SYTL2: variants seen among roughly 807,000 people sequenced by gnomAD.
SYTL2 encodes synaptotagmin-like protein 2.
SYTL2 carries 165 observed loss-of-function variants against 198.7 expected under a neutral mutation model. The observed-to-expected ratio is 0.83, with a 90% CI of 0.73 to 0.94. The LOEUF (loss-of-function observed/expected upper bound fraction) is 0.94, where lower values mean the gene tolerates loss of function less well. Ranked by LOEUF, SYTL2 falls within the 40% of genes least tolerant of loss-of-function variation. The pLI, the probability that SYTL2 is intolerant of heterozygous loss-of-function variation, is 0.00. For missense variants in SYTL2, 2,835 were observed against 2,582.8 expected, an observed-to-expected ratio of 1.10 and a Z score of -2.12; for synonymous variants, 966 against 917.7, an observed-to-expected ratio of 1.05 and a Z score of -0.95.
chr11:85,841,073 C>A, the SYTL2 span, among the ~76,000 whole-genome samples: 1 of 152,010 alleles, frequency 6.6e-6, no homozygotes, highest in African/African-American at 2.4e-5. Flanking sequence ...GGCCAATAAA[C>A]ATGAAAAAAA....
the SYTL2 span, among the ~76,000 whole-genome samples, chr11:85,822,476 T>C: frequency 2.6e-5 from 4 of 152,324 alleles, no homozygotes; most frequent in African/African-American, 9.6e-5. Context: ...CTCCTAGTTG[T>C]GGTCCTATTC....
chr11:85,852,283 A>G, the SYTL2 span, among the ~76,000 whole-genome samples: 2 of 152,234 alleles, frequency 1.3e-5, no homozygotes, highest in East Asian at 3.8e-4. Flanking sequence ...GGACAAAAGG[A>G]TAAGTAATTG....
At chr11:85,818,664 T>TCTATCTAC in the SYTL2 span, among the ~76,000 whole-genome samples, 5 of 146,936 alleles carry the variant, frequency 3.4e-5, no homozygotes, top group Non-Finnish European at 5.9e-5. Context: ...TTACTATCTA[T>TCTATCTAC]CTATCTATCT....
At chr11:85,816,915 CAAAA>C in the SYTL2 span, among the ~76,000 whole-genome samples, 4 of 80,916 alleles carry the variant, frequency 4.9e-5, no homozygotes, top group African/African-American at 5.0e-5. Context: ...AACCCTGTCT[CAAAA>C]AAAAAAAAAA....
At chr11:85,816,946 T>C in the SYTL2 span, among the ~76,000 whole-genome samples, 6 of 150,936 alleles carry the variant, frequency 4.0e-5, no homozygotes, top group Non-Finnish European at 7.4e-5. Flanking sequence ...GACCATCTTA[T>C]AAGAGAGTCT....
At chr11:85,825,724 G>C in the SYTL2 span, among the ~76,000 whole-genome samples, 1 of 152,230 alleles carries the variant, frequency 6.6e-6, no homozygotes, top group East Asian at 1.9e-4. Flanking sequence ...AGATATCCTA[G>C]AAAGCATGAA....
At position 85,727,124 on chromosome 11, in the gene SYTL2, G is replaced by A; in HGVS notation, c.2234C>T (p.Ala745Val). 21 of 1,535,950 alleles carry A rather than the reference G, an allele frequency of 1.4e-5. No individual in the cohort carries two copies. Among genetic ancestry groups the A allele is most frequent in the Non-Finnish European group, 1.8e-5 (21 of 1,146,808 alleles). ...SKVGNTYILK[A>V]SLEPENIKST... The stretch of plus-strand genomic sequence containing the variant: ...CTTAATATTCTCTGGCTCTAAGGAG[G>A]CTTTCAGGATATAGGTATTTCCTAC... Residue 745 changes from alanine (A) to valine (V), a missense_variant, in exon 8 of 20, where the codon GCC (alanine) becomes GTC (valine). Transcript: ENST00000359152.
intron 4 of SYTL2, among the ~76,000 whole-genome samples, chr11:85,744,558 C>A (rs1309104064): frequency 6.6e-6 from 1 of 152,134 alleles, no homozygotes; most frequent in Non-Finnish European, 1.5e-5. Flanking sequence ...AGTCAGTATT[C>A]CATTATCCAC....
intron 1 of SYTL2, among the ~76,000 whole-genome samples, chr11:85,772,435 T>G (rs1014259081): frequency 6.6e-6 from 1 of 152,216 alleles, no homozygotes; most frequent in Non-Finnish European, 1.5e-5. Flanking sequence ...TGAAGTCCTA[T>G]AAGGTTGTAT....
chr11:85,813,966 T>C (rs2093058565), upstream of SYTL2, among the ~76,000 whole-genome samples: 1 of 152,148 alleles, frequency 6.6e-6, no homozygotes, highest in African/African-American at 2.4e-5. Context: ...CCTCAGCATC[T>C]CTAAGTGTTG....
chr11:85,824,568 G>A, the SYTL2 span, among the ~76,000 whole-genome samples: 2 of 152,166 alleles, frequency 1.3e-5, no homozygotes, highest in African/African-American at 4.8e-5. Flanking sequence ...TATTGCAATG[G>A]TCAGTGAGAA....
intron 4 of SYTL2, among the ~76,000 whole-genome samples, chr11:85,744,461 G>T (rs2091012776): frequency 6.6e-6 from 1 of 152,096 alleles, no homozygotes; most frequent in Non-Finnish European, 1.5e-5. Flanking sequence ...AGGGGAAACA[G>T]TGCAGCCTGC....
chr11:85,852,169 A>T, the SYTL2 span, among the ~76,000 whole-genome samples: 26 of 152,340 alleles, frequency 1.7e-4, 1 homozygote, highest in South Asian at 5.2e-3. Flanking sequence ...GCATGAATAA[A>T]AAATATGATA....
chr11:85,813,212 A>T (rs1009235281), upstream of SYTL2, among the ~76,000 whole-genome samples: 1 of 152,148 alleles, frequency 6.6e-6, no homozygotes. Context: ...CAGAGACTAA[A>T]TCTTAGAGCT....
chr11:85,789,352 A>G (rs1283261780), intron 1 of SYTL2, among the ~76,000 whole-genome samples: 1,068 of 36,960 alleles, frequency 0.029, 27 homozygotes, highest in Non-Finnish European at 0.048. Context: ...ATATATATAT[A>G]TATATATATA....
intron 4 of SYTL2, among the ~76,000 whole-genome samples, chr11:85,742,427 C>T (rs752797679): frequency 1.3e-5 from 2 of 152,180 alleles, no homozygotes; most frequent in African/African-American, 2.4e-5. Context: ...TACTCCCCAC[C>T]TTGGCTCAGC....
intron 4 of SYTL2, among the ~76,000 whole-genome samples, chr11:85,738,486 A>C (rs1209387362): frequency 6.6e-6 from 1 of 152,160 alleles, no homozygotes; most frequent in Non-Finnish European, 1.5e-5. Flanking sequence ...TGTATAATGG[A>C]GCCCGAATTA....
At chr11:85,784,442 G>GA (rs554905246) in intron 1 of SYTL2, among the ~76,000 whole-genome samples, 3 of 151,582 alleles carry the variant, frequency 2.0e-5, no homozygotes, top group South Asian at 4.2e-4. Context: ...GAGATGTGAA[G>GA]AAAAAAAATC....
At chr11:85,733,013 A>T (rs991530858) in intron 7 of SYTL2, among the ~76,000 whole-genome samples, 1 of 152,208 alleles carries the variant, frequency 6.6e-6, no homozygotes, top group Non-Finnish European at 1.5e-5. Flanking sequence ...GCTAGTTAGC[A>T]GGGAAAAGCA....
Sources: allele counts gnomAD v4.1 joint callset (sites outside exome capture counted in the v4.1 genomes callset), GRCh38; gene constraint gnomAD v4.1.1; transcripts MANE v1.5; gene names NCBI Gene and HGNC (gene_info 2026-07-23, HGNC 2026-07-21).